The following ABCA13 variants were observed in gnomAD, a reference collection of about 807,000 sequenced individuals.
The protein encoded by ABCA13 is ATP binding cassette subfamily A member 13, also known as ATP-binding cassette sub-family A member 13.
ABCA13 carries 476 observed loss-of-function variants against 478.7 expected under a neutral mutation model. The ratio of observed to expected loss-of-function variants is 0.99; its 90% CI spans 0.92 to 1.07. The LOEUF is 1.07. ABCA13 is among the 50% of genes least tolerant of loss of function. The pLI is 0.00. For synonymous variants in ABCA13, 2,252 were observed against 2,158.9 expected (o/e 1.04, Z -1.20); for missense variants, 6,060 against 5,910.6 (o/e 1.03, Z -0.83).
At position 48,508,034 on chromosome 7, in the gene ABCA13, C is replaced by A; in HGVS notation, c.13509C>A (p.Asn4503Lys). 1 of 1,613,872 alleles carries A rather than the reference C, an allele frequency of 6.2e-7. No homozygotes were observed. The highest frequency in any genetic ancestry group is 1.1e-5 in the South Asian group (1 of 91,078). The change falls in exon 50 of 62, where the codon AAC becomes AAA. Residue 4503 changes from asparagine (N) to lysine (K), a missense_variant. Around this residue, in one of 3 missense-constraint regions of ABCA13, gnomAD observed 1,627 missense variants for 1,571.0 expected, o/e 1.04. Coordinates refer to ENST00000435803, the MANE Select transcript of ABCA13 (RefSeq NM_152701.5). ...GLGYRMYWFT[N>K]FLYDMLFYLV... ...GCTACAGGATGTACTGGTTCACAAA[C>A]TTCCTATATGACATGGTAGGATTTG...
At chr7:48,263,096 C>T (rs1443736145) in intron 15 of ABCA13, among the ~76,000 whole-genome samples, 1 of 151,772 alleles carries the variant, frequency 6.6e-6, no homozygotes, top group East Asian at 1.9e-4. Flanking sequence ...AAGTGTGATC[C>T]CTGGACCACA....
chr7:48,338,378 A>G lies in ABCA13; in HGVS notation c.10127A>G (p.Asn3376Ser), dbSNP rs1225371248. Residue 3376 changes from asparagine (N) to serine (S), a missense_variant, in exon 29 of 62, where the codon AAC (asparagine) becomes AGC (serine). Around this residue, in one of 3 missense-constraint regions of ABCA13, gnomAD observed 4,423 missense variants for 4,309.1 expected, o/e 1.03. Coordinates refer to ENST00000435803, the MANE Select transcript of ABCA13 (RefSeq NM_152701.5). The stretch of plus-strand genomic sequence containing the variant: ...ATTTTTCTTTAGGAGGCCCTGAGAA[A>G]CAAATTTGTAAGAAACTTTGTAGAA... Reference protein sequence around the residue: ...MFNQLQEALRNKFVRNFVENQ... With the variant: ...MFNQLQEALRSKFVRNFVENQ... 3 of 1,596,414 alleles carry G rather than the reference A, an allele frequency of 1.9e-6. No homozygotes were observed. Among genetic ancestry groups the G allele is most frequent in the Non-Finnish European group, 2.6e-6 (3 of 1,171,140 alleles).
chr7:48,225,099 C>G (rs1787956619), intron 5 of ABCA13, among the ~76,000 whole-genome samples: 1 of 139,448 alleles, frequency 7.2e-6, no homozygotes. Flanking sequence ...GCGTTAATCA[C>G]CATGCGTGCG....
intron 55 of ABCA13, among the ~76,000 whole-genome samples, chr7:48,573,118 C>T (rs1180911529): frequency 6.6e-6 from 1 of 151,880 alleles, no homozygotes; most frequent in Non-Finnish European, 1.5e-5. Context: ...CTATTCATTA[C>T]TATGTTTAAA....
At chr7:48,259,257 G>A (rs937784686) in intron 15 of ABCA13, among the ~76,000 whole-genome samples, 4 of 152,074 alleles carry the variant, frequency 2.6e-5, no homozygotes, top group Non-Finnish European at 5.9e-5. Context: ...AGGTCTCTAC[G>A]AACTCATTTT....
At chr7:48,387,305 T>A (rs1441290870) in intron 35 of ABCA13, among the ~76,000 whole-genome samples, 1 of 152,152 alleles carries the variant, frequency 6.6e-6, no homozygotes, top group East Asian at 1.9e-4. Context: ...TGAAATGAAT[T>A]TGGAGAATAC....
intron 1 of ABCA13, among the ~76,000 whole-genome samples, chr7:48,176,164 C>G (rs1409356984): frequency 1.3e-5 from 2 of 152,200 alleles, no homozygotes; most frequent in African/African-American, 2.4e-5. Flanking sequence ...GTGACTGCTA[C>G]TCAGTCCTTT....
chr7:48,449,816 A>G (rs1824765249), intron 42 of ABCA13, among the ~76,000 whole-genome samples: 1 of 152,184 alleles, frequency 6.6e-6, no homozygotes, highest in Admixed American at 6.5e-5. Flanking sequence ...CATTTCTGTA[A>G]CCAGCTTAGC....
rs1791390099 is a variant in ABCA13, at chr7:48,244,626, G to T, written c.1313G>T (p.Trp438Leu). The change falls in exon 11 of 62, where the codon TGG becomes TTG. Residue 438 changes from tryptophan to leucine, a missense_variant. This residue lies in a region of ABCA13 where 4,423 missense variants were observed against 4,309.1 expected (regional missense o/e 1.03). Coordinates refer to ENST00000435803, the MANE Select transcript of ABCA13 (RefSeq NM_152701.5). ...LQSLLQNLPQ[W>L]PALKRFLQLD... ...AGCTTGCTGCAAAACCTGCCCCAGT[G>T]GCCGGCACTGAAGAGATTTCTTCAG... The T allele has an allele frequency of 6.2e-7, 1 of 1,613,270 alleles. No individual in the cohort carries two copies. The highest frequency in any genetic ancestry group is 8.5e-7 in the Non-Finnish European group (1 of 1,179,596).
chr7:48,499,135 G>C (rs1340270446), intron 48 of ABCA13, among the ~76,000 whole-genome samples: 1 of 152,040 alleles, frequency 6.6e-6, no homozygotes, highest in Non-Finnish European at 1.5e-5. Flanking sequence ...ATTACTCATA[G>C]AGTAATAATT....
rs1366080179 is a variant in ABCA13, at chr7:48,516,899, A to G, written c.13797+18A>G. On this transcript the variant is annotated intron_variant, in intron 52 of 61. Transcript: ENST00000435803. ...AAGCTAAGGTCAGTAGCTTTGTAGCATCACCTCTACACTTCTGCACCTCTA... is the reference window on the plus strand; with the variant it reads ...AAGCTAAGGTCAGTAGCTTTGTAGCGTCACCTCTACACTTCTGCACCTCTA... 1.2e-6 allele frequency: 2 copies of G among 1,612,070 alleles called. No individual in the cohort carries two copies. The highest frequency in any genetic ancestry group is 2.2e-5 in the East Asian group (1 of 44,806).
chr7:48,219,238 A>T, intron 3 of ABCA13, 116 bp from the exon 4 acceptor site: 1 of 1,029,360 alleles, frequency 9.7e-7, no homozygotes, highest in Non-Finnish European at 1.4e-6. Context: ...AGATGATGAG[A>T]GTGTAAGTTG....
intron 57 of ABCA13, among the ~76,000 whole-genome samples, chr7:48,591,783 A>G (rs1458594431): frequency 6.6e-6 from 1 of 151,956 alleles, no homozygotes; most frequent in African/African-American, 2.4e-5. Context: ...TTGTTATTTT[A>G]TGGAAGCACT....
At chr7:48,236,460 A>G (rs1357289543) in intron 8 of ABCA13, among the ~76,000 whole-genome samples, 1 of 152,172 alleles carries the variant, frequency 6.6e-6, no homozygotes, top group Non-Finnish European at 1.5e-5. Context: ...CTTTAGCTCA[A>G]AATAATCCAT....
chr7:48,643,283 C>G lies in ABCA13; in HGVS notation c.14838-5C>G, dbSNP rs546686554. Reference sequence around the variant, plus strand: ...AATCATGTTTCTATTTTATTTAACTCTCAGGTTTGGTGATGGTTATACAGT... The same window carrying G: ...AATCATGTTTCTATTTTATTTAACTGTCAGGTTTGGTGATGGTTATACAGT... On this transcript the variant is annotated splice_region_variant and splice_polypyrimidine_tract_variant and intron_variant, in intron 59 of 61. Transcript: ENST00000435803. The G allele has an allele frequency of 1.9e-6, 3 of 1,578,924 alleles. No homozygotes were observed. Among genetic ancestry groups the G allele is most frequent in the African/African-American group, 2.7e-5 (2 of 73,660 alleles).
At chr7:48,369,935 G>A (rs1481399982) in intron 32 of ABCA13, among the ~76,000 whole-genome samples, 1 of 151,852 alleles carries the variant, frequency 6.6e-6, no homozygotes, top group Non-Finnish European at 1.5e-5. Flanking sequence ...AAGAGTAATG[G>A]TGGTGTTTTG....
intron 42 of ABCA13, among the ~76,000 whole-genome samples, chr7:48,434,927 A>G (rs1163850106): frequency 6.6e-6 from 1 of 151,892 alleles, no homozygotes; most frequent in African/African-American, 2.4e-5. Flanking sequence ...AACCTTTGAA[A>G]TCAGAAAGTG....
intron 7 of ABCA13, among the ~76,000 whole-genome samples, chr7:48,233,359 TA>T (rs1305613455): frequency 3.9e-5 from 6 of 152,218 alleles, no homozygotes; most frequent in African/African-American, 1.4e-4. Flanking sequence ...TATGTGTTTT[TA>T]TGTTTGCAGT....
At chr7:48,332,239 C>T (rs891898936) in intron 27 of ABCA13, among the ~76,000 whole-genome samples, 2 of 152,192 alleles carry the variant, frequency 1.3e-5, no homozygotes, top group African/African-American at 4.8e-5. Context: ...CATTGTTGAG[C>T]ATCCTCACCC....
Sources: gnomAD v4.1 joint callset for allele counts (sites outside exome capture counted in the v4.1 genomes callset) on GRCh38, gnomAD v4.1.1 for gene constraint, gnomAD v4.1.1 regional missense constraint, MANE v1.5 for transcripts, NCBI Gene and HGNC (gene_info 2026-07-23, HGNC 2026-07-21) for gene names.